Variants in SOX6 observed in about 807,000 individuals in gnomAD.
SOX6 encodes the protein transcription factor SOX-6.
In SOX6, 11 loss-of-function variants were observed where a neutral mutation model predicts 97.8. The ratio of observed to expected loss-of-function variants is 0.11; its 90% confidence interval spans 0.07 to 0.19. SOX6 has a LOEUF of 0.19. Among genes scored for constraint, SOX6 ranks in the 10% least tolerant of loss-of-function variants. SOX6 has a pLI of 1.00. For missense variants in SOX6, 810 were observed against 1,039.5 expected, an observed-to-expected ratio of 0.78 and a Z score of 3.04; for synonymous variants, 360 against 371.4, an observed-to-expected ratio of 0.97 and a Z score of 0.35.
intron 12 of SOX6, among the ~76,000 whole-genome samples, chr11:16,044,965 T>C (rs1452104623): frequency 7.1e-6 from 1 of 140,480 alleles, no homozygotes; most frequent in Non-Finnish European, 1.6e-5. Context: ...TCTGTCTATC[T>C]GTCTATCTAT....
chr11:16,428,091 C>G (rs962673314), intron 1 of SOX6, among the ~76,000 whole-genome samples: 3 of 152,210 alleles, frequency 2.0e-5, no homozygotes, highest in Non-Finnish European at 2.9e-5. Context: ...TGATGATGAG[C>G]ATTTTTACAT....
chr11:16,039,562 C>A (rs58616573), intron 12 of SOX6, among the ~76,000 whole-genome samples: 1 of 151,828 alleles, frequency 6.6e-6, no homozygotes, highest in African/African-American at 2.4e-5. Flanking sequence ...CTTGAATGTA[C>A]GATGGAGATT....
chr11:16,550,979 C>A (rs551280314), intron 4 of SOX6, among the ~76,000 whole-genome samples: 2 of 151,946 alleles, frequency 1.3e-5, no homozygotes, highest in African/African-American at 4.8e-5. Flanking sequence ...GCACTTTGGG[C>A]GGCTTAGGTG....
intron 3 of SOX6, among the ~76,000 whole-genome samples, chr11:16,630,201 G>A (rs1848685946): frequency 6.6e-6 from 1 of 151,838 alleles, no homozygotes; most frequent in African/African-American, 2.4e-5. Flanking sequence ...TTGATATCTT[G>A]CTAACTTTTT....
chr11:16,596,628 C>T (rs1848215425), intron 4 of SOX6, among the ~76,000 whole-genome samples: 1 of 152,174 alleles, frequency 6.6e-6, no homozygotes. Flanking sequence ...AACGCCATGA[C>T]AGTAATTAGC....
chr11:16,564,420 G>A (rs1018727391), intron 4 of SOX6, among the ~76,000 whole-genome samples: 1 of 152,024 alleles, frequency 6.6e-6, no homozygotes, highest in African/African-American at 2.4e-5. Context: ...TGATAGAACT[G>A]GACAGACAGA....
chr11:16,008,806 C>T (rs1308976766), intron 13 of SOX6, among the ~76,000 whole-genome samples: 1 of 152,028 alleles, frequency 6.6e-6, no homozygotes, highest in African/African-American at 2.4e-5. Flanking sequence ...CTGTTTATAT[C>T]CACAGTAAAA....
chr11:16,240,318 C>A (rs868271725), intron 3 of SOX6, among the ~76,000 whole-genome samples: 1 of 53,568 alleles, frequency 1.9e-5, no homozygotes, highest in Admixed American at 1.8e-4. Context: ...GTGTGTGTGG[C>A]AGTGGAAGCT....
intron 4 of SOX6, among the ~76,000 whole-genome samples, chr11:16,543,128 A>G (rs1263245048): frequency 2.0e-5 from 3 of 152,136 alleles, no homozygotes; most frequent in Non-Finnish European, 4.4e-5. Flanking sequence ...GGCAATGTAC[A>G]TTATTAAGGA....
intron 3 of SOX6, among the ~76,000 whole-genome samples, chr11:16,706,555 T>C (rs1008953793): frequency 8.1e-6 from 1 of 123,708 alleles, no homozygotes; most frequent in African/African-American, 3.2e-5. Context: ...GTAATGGTCA[T>C]GTTTAGCAAA....
chr11:16,529,402 T>C (rs4525190), intron 4 of SOX6, among the ~76,000 whole-genome samples: 37,448 of 152,002 alleles, frequency 0.25, 5,115 homozygotes, highest in East Asian at 0.48. Flanking sequence ...CATGCTATTT[T>C]GTTTGGCTAT....
At chr11:16,027,132 C>T (rs1242645442) in intron 12 of SOX6, among the ~76,000 whole-genome samples, 1 of 151,932 alleles carries the variant, frequency 6.6e-6, no homozygotes, top group Non-Finnish European at 1.5e-5. Flanking sequence ...TTAAGAATTC[C>T]CAAATGTAAC....
At chr11:16,059,198 A>G (rs1311939469) in intron 9 of SOX6, among the ~76,000 whole-genome samples, 5 of 152,056 alleles carry the variant, frequency 3.3e-5, no homozygotes. Flanking sequence ...CTTAACCATC[A>G]ATTTACTAGG....
At chr11:16,146,498 A>G (rs1392175128) in intron 6 of SOX6, among the ~76,000 whole-genome samples, 1 of 152,250 alleles carries the variant, frequency 6.6e-6, no homozygotes, top group African/African-American at 2.4e-5. Flanking sequence ...CAAAATTGAC[A>G]AATGGGATCT....
At chr11:16,606,546 A>T (rs1310359299) in intron 4 of SOX6, among the ~76,000 whole-genome samples, 2 of 152,200 alleles carry the variant, frequency 1.3e-5, no homozygotes, top group Non-Finnish European at 2.9e-5. Context: ...CCTACCTCGA[A>T]CTTCACGGAG....
intron 2 of SOX6, among the ~76,000 whole-genome samples, chr11:16,330,101 C>T (rs993531039): frequency 1.2e-4 from 19 of 152,126 alleles, no homozygotes; most frequent in Non-Finnish European, 2.4e-4. Context: ...AAGAGTGGTG[C>T]CCTAAACTCA....
intron 1 of SOX6, among the ~76,000 whole-genome samples, chr11:16,472,087 C>T (rs1860150190): frequency 6.6e-6 from 1 of 152,150 alleles, no homozygotes; most frequent in South Asian, 2.1e-4. Context: ...ACTTGGATCA[C>T]CACCATTCAA....
chr11:16,183,766 T>G (rs1236092196), intron 6 of SOX6, 120 bp downstream of exon 6: 1 of 833,754 alleles, frequency 1.2e-6, no homozygotes, highest in Non-Finnish European at 2.0e-6. Context: ...ACAACATCCT[T>G]GAAAACAGCC....
chr11:16,442,874 G>A (rs376474491), intron 1 of SOX6, among the ~76,000 whole-genome samples: 18 of 152,144 alleles, frequency 1.2e-4, no homozygotes, highest in African/African-American at 1.7e-4. Flanking sequence ...AGAAAAATAC[G>A]TATCTTATCA....
Sources: allele counts gnomAD v4.1 joint callset (sites outside exome capture counted in the v4.1 genomes callset), GRCh38; gene constraint gnomAD v4.1.1; transcripts MANE v1.5; gene names NCBI Gene and HGNC (gene_info 2026-07-23, HGNC 2026-07-21).